SGCD: variants seen among roughly 807,000 people sequenced by gnomAD.
SGCD encodes sarcoglycan delta, also known as delta-sarcoglycan.
In SGCD, 18 loss-of-function variants were observed where a neutral mutation model predicts 36.6. That is an observed-to-expected ratio of 0.49 (90% CI 0.34 to 0.73). The LOEUF is 0.73. Ranked by LOEUF, SGCD falls within the 30% of genes least tolerant of loss-of-function variation. The pLI is 0.01. For missense variants in SGCD, 387 were observed against 346.7 expected, an observed-to-expected ratio of 1.12 and a Z score of -0.92; for synonymous variants, 133 against 130.6, an observed-to-expected ratio of 1.02 and a Z score of -0.12.
chr5:156,154,341 A>G (rs572792961), intron 3 of SGCD, among the ~76,000 whole-genome samples: 1 of 151,804 alleles, frequency 6.6e-6, no homozygotes, highest in Non-Finnish European at 1.5e-5. Context: ...AGCCCTAGAA[A>G]GCAGTGAGGA....
chr5:156,021,733 C>A (rs1759103992), intron 1 of SGCD, among the ~76,000 whole-genome samples: 1 of 151,970 alleles, frequency 6.6e-6, no homozygotes, highest in Non-Finnish European at 1.5e-5. Flanking sequence ...GAGCAGAGGT[C>A]TGGTGTGAGC....
chr5:156,379,322 A>G (rs1410343183), intron 3 of SGCD, among the ~76,000 whole-genome samples: 4 of 152,202 alleles, frequency 2.6e-5, no homozygotes, highest in African/African-American at 9.6e-5. Flanking sequence ...AAAGCCTCAC[A>G]TAGGATACTG....
intron 3 of SGCD, among the ~76,000 whole-genome samples, chr5:156,379,233 A>T (rs1294055019): frequency 1.3e-5 from 2 of 152,212 alleles, no homozygotes; most frequent in African/African-American, 4.8e-5. Flanking sequence ...GATAATTGCT[A>T]AGGAGGAAAA....
At chr5:156,511,131 A>G (rs1352591660) in intron 4 of SGCD, among the ~76,000 whole-genome samples, 1 of 152,254 alleles carries the variant, frequency 6.6e-6, no homozygotes, top group Admixed American at 6.5e-5. Flanking sequence ...AAAAGCCCTC[A>G]AATTCACTAT....
chr5:156,439,449 G>C (rs1026586707), intron 3 of SGCD, among the ~76,000 whole-genome samples: 5 of 151,980 alleles, frequency 3.3e-5, no homozygotes, highest in Non-Finnish European at 7.4e-5. Context: ...TCTTTATCTA[G>C]GGTAGAGTTT....
intron 1 of SGCD, among the ~76,000 whole-genome samples, chr5:156,046,885 T>C (rs1448989534): frequency 6.6e-6 from 1 of 152,176 alleles, no homozygotes; most frequent in African/African-American, 2.4e-5. Flanking sequence ...CCAGATAGAC[T>C]GAAAGCTTGG....
Position 156,740,505 on chromosome 5 carries a change from T to C in SGCD, c.576-17076T>C, listed in dbSNP as rs150912593. Among the ~76,000 whole-genome samples the C allele has an allele frequency of 4.9e-3, 753 of 152,352 alleles. 5 individuals are homozygous for C. The highest frequency in any genetic ancestry group is 0.016 in the African/African-American group (651 of 41,580). On this transcript the variant is annotated intron_variant, in intron 7 of 8. Transcript: ENST00000337851. Reference sequence around the variant, plus strand: ...ATCCTACTGATTTGCTCAAGTTTTATATAGACAGTAGCATTAGAGTGGCAA... The same window carrying C: ...ATCCTACTGATTTGCTCAAGTTTTACATAGACAGTAGCATTAGAGTGGCAA...
intron 3 of SGCD, among the ~76,000 whole-genome samples, chr5:156,479,031 T>C (rs1009164147): frequency 6.6e-6 from 1 of 152,224 alleles, no homozygotes; most frequent in Non-Finnish European, 1.5e-5. Flanking sequence ...GATATATGTA[T>C]ACATACAAAA....
At chr5:156,281,179 G>C (rs1355670162) in intron 3 of SGCD, among the ~76,000 whole-genome samples, 1 of 152,022 alleles carries the variant, frequency 6.6e-6, no homozygotes, top group Non-Finnish European at 1.5e-5. Flanking sequence ...ATAAGTGCTG[G>C]GTTCCAATAC....
chr5:156,528,268 T>C (rs1359910236), intron 4 of SGCD, among the ~76,000 whole-genome samples: 2 of 152,212 alleles, frequency 1.3e-5, no homozygotes, highest in African/African-American at 4.8e-5. Context: ...ATAATAGCAC[T>C]ATCTCATAAG....
the SGCD span, among the ~76,000 whole-genome samples, chr5:155,820,007 G>C: frequency 6.6e-6 from 1 of 152,074 alleles, no homozygotes; most frequent in African/African-American, 2.4e-5. Flanking sequence ...AGAGGAATTC[G>C]GAGGTGGATA....
chr5:156,498,935 C>CCTGTGTGTGTGTGTGTGCGTGT (rs149269957), intron 3 of SGCD, among the ~76,000 whole-genome samples: 8 of 149,350 alleles, frequency 5.4e-5, no homozygotes, highest in Non-Finnish European at 8.9e-5. Flanking sequence ...ATGTGTGCTA[C>CCTGTGTGTGTGTGTGTGCGTGT]GTGTGTGTGT....
chr5:156,436,646 T>C (rs1753259172), intron 3 of SGCD, among the ~76,000 whole-genome samples: 1 of 152,180 alleles, frequency 6.6e-6, no homozygotes, highest in South Asian at 2.1e-4. Context: ...GAATCCACAT[T>C]TCCGTGTGAG....
At chr5:155,893,823 T>C (rs1756188602) in intron 1 of SGCD, among the ~76,000 whole-genome samples, 1 of 152,222 alleles carries the variant, frequency 6.6e-6, no homozygotes, top group African/African-American at 2.4e-5. Context: ...TACACAAACC[T>C]AGATGGTATA....
chr5:155,770,579 G>C, the SGCD span, among the ~76,000 whole-genome samples: 1 of 152,124 alleles, frequency 6.6e-6, no homozygotes, highest in African/African-American at 2.4e-5. Flanking sequence ...TATAAATTTT[G>C]ATTTTATTCT....
chr5:156,183,762 G>T (rs564288019), intron 3 of SGCD, among the ~76,000 whole-genome samples: 1 of 152,114 alleles, frequency 6.6e-6, no homozygotes, highest in African/African-American at 2.4e-5. Flanking sequence ...AAAATGTGAT[G>T]GAACTCTATC....
At chr5:156,485,820 G>A (rs565154328) in intron 3 of SGCD, among the ~76,000 whole-genome samples, 4 of 152,124 alleles carry the variant, frequency 2.6e-5, no homozygotes, top group Non-Finnish European at 4.4e-5. Context: ...AGGCAGGGAA[G>A]GAGAGAGAAG....
At chr5:155,863,889 G>C in the SGCD span, among the ~76,000 whole-genome samples, 1 of 152,082 alleles carries the variant, frequency 6.6e-6, no homozygotes, top group Non-Finnish European at 1.5e-5. Flanking sequence ...GCACATAATA[G>C]AAAAAACAGA....
At chr5:155,775,184 T>C in the SGCD span, among the ~76,000 whole-genome samples, 1 of 152,204 alleles carries the variant, frequency 6.6e-6, no homozygotes, top group Non-Finnish European at 1.5e-5. Flanking sequence ...GAGTGATTGA[T>C]CTCCCATGAT....
Sources: allele counts gnomAD v4.1 joint callset (sites outside exome capture counted in the v4.1 genomes callset), GRCh38; gene constraint gnomAD v4.1.1; transcripts MANE v1.5; gene names NCBI Gene and HGNC (gene_info 2026-07-23, HGNC 2026-07-21).